Variants in ZZEF1 observed in about 807,000 individuals in gnomAD.
The protein encoded by ZZEF1 is zinc finger ZZ-type and EF-hand domain containing 1.
A neutral mutation model predicts 342.8 loss-of-function variants in ZZEF1; 157 were observed. The observed-to-expected ratio is 0.46, with a 90% confidence interval of 0.40 to 0.52. The LOEUF is 0.52. ZZEF1 is among the 20% of genes least tolerant of loss of function. The pLI, the probability that ZZEF1 is intolerant of heterozygous loss-of-function variation, is 0.00. For synonymous variants in ZZEF1, 1,505 were observed against 1,429.1 expected (o/e 1.05, Z -1.20); for missense variants, 3,480 against 3,725.6 (o/e 0.93, Z 1.72).
rs1297942738 is a variant in ZZEF1 at position 4,117,064 on chromosome 17, GGCATCACC to G, written c.594_601del (p.Val199LeufsTer9). ...ATTGCAGTGCTCCAGCATCGGGTAGGGCATCACCGCGCTGGAGAGCCGATTGCGGTGCA... is the reference window on the plus strand; with the variant it reads ...ATTGCAGTGCTCCAGCATCGGGTAGGGCGCTGGAGAGCCGATTGCGGTGCA... On this transcript the variant is annotated frameshift_variant, in exon 3 of 55. Coordinates refer to ENST00000381638, the MANE Select transcript of ZZEF1 (RefSeq NM_015113.4). LOFTEE classifies it high-confidence loss of function. 2 of 1,614,030 alleles carry G rather than the reference GGCATCACC, an allele frequency of 1.2e-6. No homozygotes were observed. Among genetic ancestry groups the G allele is most frequent in the Non-Finnish European group, 1.7e-6 (2 of 1,180,020 alleles).
chr17:4,143,000 C>T lies in ZZEF1; in HGVS notation c.-105G>A. ...CTGGCGGGCGGGGACGCGGAGGAGA[C>T]GACGGCGGCCCCTGCGGCTTCCGGC... On this transcript the variant is annotated 5_prime_UTR_variant, in exon 1 of 55. Coordinates refer to ENST00000381638, the MANE Select transcript of ZZEF1 (RefSeq NM_015113.4). The T allele has an allele frequency of 7.9e-7, 1 of 1,268,490 alleles. No homozygotes were observed. The highest frequency in any genetic ancestry group is 9.9e-7 in the Non-Finnish European group (1 of 1,011,700). The allele number at this position is 1,268,490 out of a possible 1,614,324, so 78.6% of individuals were successfully genotyped here. A position where few individuals can be genotyped will look rare whatever the true frequency, so the allele number is the denominator to read the frequency against.
chr17:4,009,187 T>TC (rs34413748), intron 53 of ZZEF1: 1 of 591,728 alleles, frequency 1.7e-6, no homozygotes, highest in East Asian at 2.8e-5. Flanking sequence ...CCGGGACCCC[T>TC]CCTCAAGCCA....
At chr17:4,103,537 A>C (rs1260546922) in intron 8 of ZZEF1, among the ~76,000 whole-genome samples, 1 of 152,010 alleles carries the variant, frequency 6.6e-6, no homozygotes, top group Non-Finnish European at 1.5e-5. Context: ...ACAGAGCAGG[A>C]CTCTGTCTCA....
At chr17:4,080,995 G>C (rs2057713166) in intron 18 of ZZEF1, among the ~76,000 whole-genome samples, 1 of 152,134 alleles carries the variant, frequency 6.6e-6, no homozygotes, top group South Asian at 2.1e-4. Flanking sequence ...CCAACACTTT[G>C]GGAGGCCAAA....
intron 2 of ZZEF1, among the ~76,000 whole-genome samples, chr17:4,117,648 CAAAAA>C (rs61155656): frequency 1.1e-5 from 1 of 89,044 alleles, no homozygotes; most frequent in Non-Finnish European, 2.1e-5. Flanking sequence ...AACTCCACCT[CAAAAA>C]AAAAAAAAAA....
intron 1 of ZZEF1, among the ~76,000 whole-genome samples, chr17:4,137,481 A>G (rs560667055): frequency 6.6e-4 from 100 of 152,210 alleles, no homozygotes; most frequent in South Asian, 2.9e-3. Context: ...GCGTGGTGGC[A>G]GGCGCCTGTA....
rs2057202122 is a variant in ZZEF1 at position 4,057,983 on chromosome 17, CG to C, written c.5165+10del. The C allele has an allele frequency of 6.2e-7, 1 of 1,613,130 alleles. No homozygotes were observed. The highest frequency in any genetic ancestry group is 1.7e-5 in the Admixed American group (1 of 59,984). ...CATTAGGAACTGCAGAGCGCAGGAC[CG>C]TGCTCTTACCTGATCACACTGTCAT... On this transcript the variant is annotated intron_variant, in intron 32 of 54. Coordinates refer to ENST00000381638, the MANE Select transcript of ZZEF1 (RefSeq NM_015113.4).
At chr17:4,076,357 T>C (rs1288782404) in intron 21 of ZZEF1, 1 of 203,582 alleles carries the variant, frequency 4.9e-6, no homozygotes, top group South Asian at 1.1e-4. Flanking sequence ...ATGGTCTCGA[T>C]CTCCTGACCT....
At chr17:4,027,704 A>T (rs540272562) in intron 42 of ZZEF1, among the ~76,000 whole-genome samples, 1 of 149,112 alleles carries the variant, frequency 6.7e-6, no homozygotes, top group East Asian at 2.0e-4. Flanking sequence ...GGCTCAAGTG[A>T]TCCTCCTGCC....
Position 4,008,437 on chromosome 17 carries a change from C to T in ZZEF1, c.8805+446G>A, listed in dbSNP as rs1428276419. 1.5e-6 allele frequency: 1 copy of T among 671,148 alleles called. No individual in the cohort carries two copies. Among genetic ancestry groups the T allele is most frequent in the East Asian group, 1.3e-4 (1 of 7,428 alleles). The allele number at this position is 671,148 out of a possible 1,614,324, so 41.6% of individuals were successfully genotyped here. On this transcript the variant is annotated intron_variant, in intron 54 of 54. Transcript: ENST00000381638. The surrounding 1 kb of genome is among the most constrained non-coding windows in gnomAD (Gnocchi z 4.2). Reference sequence around the variant, plus strand: ...AAATTGAAAATCTCGTTTCTAATGGCACATATGGATATATGCATAATAGAC... The same window carrying T: ...AAATTGAAAATCTCGTTTCTAATGGTACATATGGATATATGCATAATAGAC...
At chr17:4,012,603 G>A (rs1420128831) in intron 52 of ZZEF1, among the ~76,000 whole-genome samples, 1 of 152,180 alleles carries the variant, frequency 6.6e-6, no homozygotes, top group Admixed American at 6.5e-5. Context: ...TCTCACAGAT[G>A]AGGAATAAGG....
At chr17:4,018,787 A>G (rs2056185175) in intron 46 of ZZEF1, among the ~76,000 whole-genome samples, 1 of 152,062 alleles carries the variant, frequency 6.6e-6, no homozygotes, top group African/African-American at 2.4e-5. Context: ...AGTGCAGGTG[A>G]GCGAGGTGGT....
At chr17:4,105,057 G>T (rs922098780) in intron 7 of ZZEF1, among the ~76,000 whole-genome samples, 1 of 152,102 alleles carries the variant, frequency 6.6e-6, no homozygotes, top group South Asian at 2.1e-4. Flanking sequence ...ATACCAATAC[G>T]CTACTGTAAT....
chr17:4,036,813 ACACACTCTCTCTCTCT>A (rs1417696295), intron 39 of ZZEF1, among the ~76,000 whole-genome samples: 194 of 96,644 alleles, frequency 2.0e-3, no homozygotes, highest in Admixed American at 3.8e-3. Context: ...ACACACACAC[ACACACTCTCTCTCTCT>A]CTCTCTCTCT....
intron 39 of ZZEF1, among the ~76,000 whole-genome samples, chr17:4,035,294 C>A (rs1433450104): frequency 6.6e-6 from 1 of 152,100 alleles, no homozygotes; most frequent in African/African-American, 2.4e-5. Context: ...CAAGAGGGCA[C>A]TATATCCATA....
chr17:4,065,299 A>G (rs2057370832), intron 28 of ZZEF1, among the ~76,000 whole-genome samples: 1 of 151,936 alleles, frequency 6.6e-6, no homozygotes, highest in African/African-American at 2.4e-5. Flanking sequence ...TGGGAGGCTG[A>G]GGCTGAAGGA....
In ZZEF1 at chr17:4,082,490, C is replaced by T. The variant is rs781327869; in HGVS notation, c.2661G>A (p.Gln887=). The T allele has an allele frequency of 3.1e-6, 5 of 1,613,926 alleles. No homozygotes were observed. In the African/African-American group the frequency reaches 6.7e-5, roughly 22 times the overall value. Residue 887 remains glutamine, a synonymous_variant, in exon 17 of 55, where the codon CAG becomes CAA. Coordinates refer to ENST00000381638, the MANE Select transcript of ZZEF1 (RefSeq NM_015113.4). ...TGAGCTGCAGGGACTGCTTGTGCTC[C>T]TGCTCGGTGACATTCTTCTAGAAAA... The part of the protein sequence containing the change: ...HLFTMMNVTE[Q]EHKQSLQLTF...
intron 1 of ZZEF1, among the ~76,000 whole-genome samples, chr17:4,128,585 G>A (rs867268240): frequency 5.4e-5 from 8 of 149,230 alleles, no homozygotes; most frequent in Middle Eastern, 3.4e-3. Flanking sequence ...TCAGCCTCCC[G>A]AGTAGCTGGG....
intron 1 of ZZEF1, among the ~76,000 whole-genome samples, chr17:4,131,067 C>T (rs1350180578): frequency 6.6e-6 from 1 of 152,140 alleles, no homozygotes; most frequent in Non-Finnish European, 1.5e-5. Flanking sequence ...AGAAGAAAAT[C>T]ATTCTTACAC....
Sources: allele counts gnomAD v4.1 joint callset (sites outside exome capture counted in the v4.1 genomes callset), GRCh38; gene constraint gnomAD v4.1.1; non-coding constraint Gnocchi (gnomAD v3.1); transcripts MANE v1.5; gene names NCBI Gene and HGNC (gene_info 2026-07-23, HGNC 2026-07-21).